Variants in CREB3L1 observed in about 807,000 individuals in gnomAD.
CREB3L1 encodes cAMP responsive element binding protein 3 like 1.
Under a neutral mutation model 54.5 loss-of-function variants are expected in CREB3L1, and 33 were observed. The ratio of observed to expected loss-of-function variants is 0.61; its 90% CI spans 0.46 to 0.81. The LOEUF is 0.81. Ranked by LOEUF, CREB3L1 falls within the 30% of genes least tolerant of loss-of-function variation. CREB3L1 has a pLI of 0.00. For missense variants in CREB3L1, 656 were observed against 673.3 expected (o/e 0.97, Z 0.29); for synonymous variants, 284 against 286.4 (o/e 0.99, Z 0.08).
intron 5 of CREB3L1, among the ~76,000 whole-genome samples, chr11:46,311,832 CA>C (rs1170956534): frequency 6.6e-6 from 1 of 152,188 alleles, no homozygotes; most frequent in African/African-American, 2.4e-5. Flanking sequence ...TCATGGTGAA[CA>C]GGAGACTATT....
chr11:46,287,443 G>A (rs1202705913), intron 1 of CREB3L1, among the ~76,000 whole-genome samples: 1 of 151,942 alleles, frequency 6.6e-6, no homozygotes, highest in African/African-American at 2.4e-5. Flanking sequence ...GGACTACAGG[G>A]ACATACCACC....
intron 5 of CREB3L1, 39 bp from the exon 6 acceptor site, chr11:46,312,286 G>T: frequency 6.5e-7 from 1 of 1,534,600 alleles, no homozygotes; most frequent in South Asian, 1.2e-5. Flanking sequence ...TGAACCCAGG[G>T]CTGCCTGGCT....
intron 9 of CREB3L1, 117 bp downstream of exon 9, chr11:46,316,502 G>A (rs1199219373): frequency 2.9e-6 from 2 of 681,940 alleles, no homozygotes; most frequent in East Asian, 5.5e-5. Context: ...GCGTCCCAGG[G>A]TACACCATCC....
rs2136331248 is a variant in CREB3L1 at position 46,278,429 on chromosome 11, G to A, written c.102+216G>A. 6.6e-6 allele frequency among the ~76,000 whole-genome samples: 1 copy of A among 152,344 alleles called. No individual in the cohort carries two copies. Among genetic ancestry groups the A allele is most frequent in the South Asian group, 2.1e-4 (1 of 4,832 alleles). ...GGCCTCCACCTTCTAGGGGGAAGGG[G>A]CCATCGAGGTATCGGGTCCGTCCGA... On this transcript the variant is annotated intron_variant, in intron 1 of 11. Transcript: ENST00000621158. This position sits in a 1 kb window ranked among gnomAD's most constrained non-coding sequence, Gnocchi z 4.2.
intron 1 of CREB3L1, among the ~76,000 whole-genome samples, chr11:46,281,453 C>A (rs565482455): frequency 6.6e-6 from 1 of 152,166 alleles, no homozygotes. Flanking sequence ...CAGAGAAGCC[C>A]CAGCTGGGAG....
intron 11 of CREB3L1, 24 bp downstream of exon 11, chr11:46,320,552 T>C: frequency 6.4e-7 from 1 of 1,559,040 alleles, no homozygotes; most frequent in Non-Finnish European, 8.7e-7. Context: ...CCCCTTTCCC[T>C]CCTGAGGTCT....
At position 46,320,413 on chromosome 11, in the gene CREB3L1, G is replaced by A; in HGVS notation, c.1408G>A (p.Asp470Asn). 1 of 1,611,310 alleles carries A rather than the reference G, an allele frequency of 6.2e-7. No individual in the cohort carries two copies. ...GCGGCCCCGGGACCACCTGCAGCAT[G>A]ATCACCTGGACAGCACCCACGAGAC... ...EQRPRDHLQH[D>N]HLDSTHETTK... Residue 470 changes from aspartate to asparagine, a missense_variant, in exon 11 of 12, where the codon GAT becomes AAT. Transcript: ENST00000621158.
In CREB3L1 at chr11:46,278,730, C is replaced by A. The variant is rs1486852908; in HGVS notation, c.102+517C>A. ...AGCCCCAGGGAATCAGGCCCAGAGA[C>A]CCCCCACCCCAGGGAGGGACCTGAG... is the stretch of plus-strand genomic sequence containing the variant. On this transcript the variant is annotated intron_variant, in intron 1 of 11. Transcript: ENST00000621158. This position sits in a 1 kb window ranked among gnomAD's most constrained non-coding sequence, Gnocchi z 4.2. Among the ~76,000 whole-genome samples, 1 of 152,140 alleles carries A rather than the reference C, an allele frequency of 6.6e-6. No individual in the cohort carries two copies. The highest frequency in any genetic ancestry group is 1.5e-5 in the Non-Finnish European group (1 of 68,004).
intron 3 of CREB3L1, among the ~76,000 whole-genome samples, chr11:46,309,264 C>T (rs1304164853): frequency 6.6e-6 from 1 of 152,182 alleles, no homozygotes; most frequent in Non-Finnish European, 1.5e-5. Context: ...ATATCATGAT[C>T]TCTCTGGGGC....
chr11:46,296,601 A>G (rs1424290116), intron 1 of CREB3L1, among the ~76,000 whole-genome samples: 1 of 152,188 alleles, frequency 6.6e-6, no homozygotes, highest in Non-Finnish European at 1.5e-5. Flanking sequence ...CTAGGGCCGC[A>G]GAGCGCTCTA....
chr11:46,309,689 A>C (rs1939455678), intron 3 of CREB3L1, among the ~76,000 whole-genome samples: 1 of 152,192 alleles, frequency 6.6e-6, no homozygotes, highest in Admixed American at 6.5e-5. Flanking sequence ...CACATACCAA[A>C]GCCTGTGTGG....
At chr11:46,316,223 C>A in intron 8 of CREB3L1, 63 bp from the exon 9 acceptor site, 2 of 1,060,084 alleles carry the variant, frequency 1.9e-6, no homozygotes, top group Non-Finnish European at 2.8e-6. Flanking sequence ...CCTAGGAGAG[C>A]TCCAGGAGGC....
In CREB3L1 at chr11:46,311,223, G is replaced by A. The variant is rs1297630024; in HGVS notation, c.753+34G>A. 13 of 1,507,954 alleles carry A rather than the reference G, an allele frequency of 8.6e-6. No homozygotes were observed. The South Asian group carries it at 1.4e-4, about 16-fold the overall frequency. 93.4% of individuals were successfully genotyped at this position (1,507,954 alleles called of 1,614,324 possible). ...CTGGGGGTGGGCTGATCCCAGAAAT[G>A]AGGAATTGAATACATCCACCTGAGC... On this transcript the variant is annotated intron_variant, in intron 5 of 11. Transcript: ENST00000621158.
intron 3 of CREB3L1, 76 bp downstream of exon 3, chr11:46,308,076 C>A: frequency 7.7e-7 from 1 of 1,290,870 alleles, no homozygotes; most frequent in Non-Finnish European, 1.0e-6. Flanking sequence ...GTGCCCAAAG[C>A]CCTGTGCCCT....
rs766243542 is a variant in CREB3L1, at chr11:46,316,403, C to T, written c.1131+18C>T. Reference sequence around the variant, plus strand: ...GCCTCATGGTAGGTGTGGCTCCCTCCACCACAGACCCACAGGAGGAGAGTT... The same window carrying T: ...GCCTCATGGTAGGTGTGGCTCCCTCTACCACAGACCCACAGGAGGAGAGTT... On this transcript the variant is annotated intron_variant, in intron 9 of 11. Transcript: ENST00000621158. The T allele has an allele frequency of 5.5e-6, 8 of 1,457,290 alleles. No individual in the cohort carries two copies. Among genetic ancestry groups the T allele is most frequent in the African/African-American group, 1.4e-5 (1 of 71,262 alleles). 90.3% of individuals were successfully genotyped at this position (1,457,290 alleles called of 1,614,324 possible).
intron 3 of CREB3L1, among the ~76,000 whole-genome samples, chr11:46,308,357 A>T (rs1341081273): frequency 6.6e-6 from 1 of 152,204 alleles, no homozygotes; most frequent in East Asian, 1.9e-4. Context: ...CAGTATTTTT[A>T]AAAAAGAAAA....
intron 5 of CREB3L1, among the ~76,000 whole-genome samples, chr11:46,311,463 A>G (rs188844850): frequency 6.6e-6 from 1 of 151,524 alleles, no homozygotes; most frequent in African/African-American, 2.4e-5. Flanking sequence ...CCTCCCAAGT[A>G]GCTGGAATTA....
intron 1 of CREB3L1, among the ~76,000 whole-genome samples, chr11:46,296,402 C>A (rs1358382493): frequency 6.6e-6 from 1 of 152,058 alleles, no homozygotes; most frequent in Non-Finnish European, 1.5e-5. Flanking sequence ...ATCACCAGCT[C>A]GCTCACTGTG....
intron 1 of CREB3L1, among the ~76,000 whole-genome samples, chr11:46,279,172 C>CCA (rs747188947): frequency 2.0e-3 from 296 of 151,086 alleles, no homozygotes; most frequent in African/African-American, 5.9e-3. Flanking sequence ...TGTTCACACG[C>CCA]CACACACACA....
Sources: gnomAD v4.1 joint callset for allele counts (sites outside exome capture counted in the v4.1 genomes callset) on GRCh38, gnomAD v4.1.1 for gene constraint, Gnocchi (gnomAD v3.1) non-coding constraint, MANE v1.5 for transcripts, NCBI Gene and HGNC (gene_info 2026-07-23, HGNC 2026-07-21) for gene names.